CLSTN2: variants seen among roughly 807,000 people sequenced by gnomAD.
The protein encoded by CLSTN2 is calsyntenin 2.
In CLSTN2, 48 loss-of-function variants were observed where a neutral mutation model predicts 101.2. That is an observed-to-expected ratio of 0.47 (90% CI 0.38 to 0.60). The LOEUF (loss-of-function observed/expected upper bound fraction) is 0.60. CLSTN2 is among the 20% of genes least tolerant of loss of function. The pLI, the probability that CLSTN2 is intolerant of heterozygous loss-of-function variation, is 0.00. For synonymous variants in CLSTN2, 481 were observed against 463.6 expected (o/e 1.04, Z -0.48); for missense variants, 1,160 against 1,238.2 (o/e 0.94, Z 0.95).
At chr3:140,113,792 G>A (rs896187402) in intron 1 of CLSTN2, among the ~76,000 whole-genome samples, 10 of 152,192 alleles carry the variant, frequency 6.6e-5, no homozygotes, top group South Asian at 4.1e-4. Flanking sequence ...AGTGACGCAC[G>A]ACTATCAGGT....
intron 1 of CLSTN2, among the ~76,000 whole-genome samples, chr3:140,019,749 T>A (rs2007270493): frequency 6.6e-6 from 1 of 152,016 alleles, no homozygotes. Context: ...CTGGGTGGGA[T>A]GTGGCACATT....
At chr3:140,548,468 G>T (rs1359090075) in intron 10 of CLSTN2, among the ~76,000 whole-genome samples, 2 of 152,202 alleles carry the variant, frequency 1.3e-5, no homozygotes, top group African/African-American at 4.8e-5. Context: ...CCACTCCAGA[G>T]ATCCAGAACC....
chr3:140,061,297 G>A (rs566814525), intron 1 of CLSTN2, among the ~76,000 whole-genome samples: 1 of 152,164 alleles, frequency 6.6e-6, no homozygotes, highest in Non-Finnish European at 1.5e-5. Flanking sequence ...AGCATTAGTT[G>A]GTTTCTAACA....
intron 11 of CLSTN2, among the ~76,000 whole-genome samples, chr3:140,557,435 C>A (rs750614534): frequency 6.6e-6 from 1 of 152,216 alleles, no homozygotes; most frequent in Non-Finnish European, 1.5e-5. Context: ...GTGCTCCACC[C>A]TTACAGGCTT....
chr3:140,544,525 T>C (rs1319586673), intron 9 of CLSTN2, among the ~76,000 whole-genome samples: 2 of 152,220 alleles, frequency 1.3e-5, no homozygotes, highest in African/African-American at 4.8e-5. Flanking sequence ...TCCCTGGGGA[T>C]GTGACCCAGC....
chr3:140,478,925 TG>T, intron 8 of CLSTN2, among the ~76,000 whole-genome samples: 1 of 151,864 alleles, frequency 6.6e-6, no homozygotes, highest in Non-Finnish European at 1.5e-5. Flanking sequence ...GCATATTCTC[TG>T]AGCCTAAGGT....
At chr3:140,512,002 C>T (rs1055260754) in intron 8 of CLSTN2, among the ~76,000 whole-genome samples, 7 of 150,260 alleles carry the variant, frequency 4.7e-5, no homozygotes, top group African/African-American at 9.8e-5. Context: ...TTTTCTTGTA[C>T]GTTTGCTTAA....
chr3:140,025,894 T>A (rs528435932), intron 1 of CLSTN2, among the ~76,000 whole-genome samples: 5 of 152,290 alleles, frequency 3.3e-5, no homozygotes, highest in Admixed American at 6.5e-5. Context: ...GGCACTGGGC[T>A]GCGTGATAGT....
intron 1 of CLSTN2, among the ~76,000 whole-genome samples, chr3:140,025,561 C>A (rs1194206040): frequency 6.6e-6 from 1 of 152,160 alleles, no homozygotes; most frequent in East Asian, 1.9e-4. Context: ...GCCTCCCAAC[C>A]AATGCTCTTG....
At position 140,375,125 on chromosome 3, in the gene CLSTN2, G is replaced by A. The variant is rs577850833; in HGVS notation, c.233-28504G>A. On this transcript the variant is annotated intron_variant, in intron 2 of 16. Transcript: ENST00000458420. ...TGTAGCTGAGGGGAGATGTAGTTGA[G>A]GGGAGATGTAGCTGAGGGGAAGTGT... 5.3e-5 allele frequency among the ~76,000 whole-genome samples: 8 copies of A among 152,298 alleles called. 1 individual carries two copies. In the South Asian group the frequency reaches 1.7e-3, roughly 32 times the overall value.
intron 1 of CLSTN2, among the ~76,000 whole-genome samples, chr3:140,130,894 A>G (rs1303638526): frequency 6.6e-6 from 1 of 152,176 alleles, no homozygotes; most frequent in Non-Finnish European, 1.5e-5. Context: ...CAGCACTGAC[A>G]ACCCTTTACA....
chr3:140,395,031 C>T (rs115917331), intron 2 of CLSTN2, among the ~76,000 whole-genome samples: 1,702 of 152,172 alleles, frequency 0.011, 19 homozygotes, highest in Non-Finnish European at 0.017. Context: ...TAAGTTTTTA[C>T]GTCATGTATT....
At chr3:139,945,323 G>A (rs1174721775) in intron 1 of CLSTN2, among the ~76,000 whole-genome samples, 1 of 152,128 alleles carries the variant, frequency 6.6e-6, no homozygotes, top group Non-Finnish European at 1.5e-5. Flanking sequence ...GGACACAATG[G>A]CACCTCCTCT....
intron 1 of CLSTN2, among the ~76,000 whole-genome samples, chr3:139,980,603 A>T (rs1203337730): frequency 7.1e-6 from 1 of 141,816 alleles, no homozygotes; most frequent in African/African-American, 2.6e-5. Context: ...CTTGCTTTAC[A>T]TTTCTTCATA....
chr3:140,179,492 G>T (rs1402507444), intron 2 of CLSTN2, among the ~76,000 whole-genome samples: 1 of 150,148 alleles, frequency 6.7e-6, no homozygotes, highest in Admixed American at 6.6e-5. Context: ...AATTAGCTGG[G>T]TGTGTTGGCA....
At chr3:140,503,470 A>T (rs1190770225) in intron 8 of CLSTN2, among the ~76,000 whole-genome samples, 3 of 152,210 alleles carry the variant, frequency 2.0e-5, no homozygotes, top group African/African-American at 7.2e-5. Flanking sequence ...CATAGAGCCT[A>T]GGTGTGTAGT....
chr3:140,068,223 T>C (rs936566036), intron 1 of CLSTN2, among the ~76,000 whole-genome samples: 1 of 152,220 alleles, frequency 6.6e-6, no homozygotes, highest in Non-Finnish European at 1.5e-5. Context: ...GACACTGAAA[T>C]TTGGTAGAAA....
chr3:139,973,557 G>T (rs749136507), intron 1 of CLSTN2, among the ~76,000 whole-genome samples: 8 of 152,166 alleles, frequency 5.3e-5, no homozygotes, highest in Admixed American at 3.9e-4. Context: ...GGTAGAGGGA[G>T]AATAGGAACT....
chr3:140,323,231 G>C (rs2087301146), intron 2 of CLSTN2, among the ~76,000 whole-genome samples: 1 of 152,126 alleles, frequency 6.6e-6, no homozygotes, highest in African/African-American at 2.4e-5. Context: ...CTGGAGTAGG[G>C]GGCTTTACGG....
Sources: gnomAD v4.1 joint callset for allele counts (sites outside exome capture counted in the v4.1 genomes callset) on GRCh38, gnomAD v4.1.1 for gene constraint, MANE v1.5 for transcripts, NCBI Gene and HGNC (gene_info 2026-07-23, HGNC 2026-07-21) for gene names.